Variants in NAV1 observed in about 807,000 individuals in gnomAD.
NAV1 encodes pore membrane and/or filament interacting like protein 3.
In NAV1, 18 loss-of-function variants were observed where a neutral mutation model predicts 175.2. That is an observed-to-expected ratio of 0.10 (90% CI 0.07 to 0.15). NAV1 has a LOEUF of 0.15. Ranked by LOEUF, NAV1 falls within the 10% of genes least tolerant of loss-of-function variation. NAV1 has a pLI of 1.00. For synonymous variants in NAV1, 897 were observed against 978.7 expected (o/e 0.92, Z 1.56); for missense variants, 1,731 against 2,436.6 (o/e 0.71, Z 6.10).
chr1:201,640,081 A>G (rs564388493), intron 2 of NAV1, among the ~76,000 whole-genome samples: 1 of 151,788 alleles, frequency 6.6e-6, no homozygotes, highest in Admixed American at 6.6e-5. Flanking sequence ...ACCGAGGCCC[A>G]TGACCTCTGG....
chr1:201,690,533 C>G (rs1377326686), intron 1 of NAV1, among the ~76,000 whole-genome samples: 1 of 151,882 alleles, frequency 6.6e-6, no homozygotes, highest in Non-Finnish European at 1.5e-5. Context: ...CCTCCATGGC[C>G]TGTCCGTGGC....
chr1:201,577,801 C>G (rs1158808303), intron 1 of NAV1, among the ~76,000 whole-genome samples: 3 of 152,136 alleles, frequency 2.0e-5, no homozygotes, highest in Non-Finnish European at 2.9e-5. Context: ...TATTTTCCCC[C>G]CAGCACTTGA....
intron 2 of NAV1, among the ~76,000 whole-genome samples, chr1:201,615,517 C>T (rs1164887346): frequency 1.3e-5 from 2 of 152,146 alleles, no homozygotes; most frequent in East Asian, 1.9e-4. Flanking sequence ...CCCACCTTGA[C>T]CTCCCAAAAT....
intron 1 of NAV1, among the ~76,000 whole-genome samples, chr1:201,661,332 C>T (rs1669606808): frequency 6.6e-6 from 1 of 152,166 alleles, no homozygotes; most frequent in African/African-American, 2.4e-5. Context: ...CCTCCCAAGC[C>T]TCTCACTGTC....
intron 22 of NAV1, 51 bp downstream of exon 26, chr1:201,809,588 A>G: frequency 6.5e-7 from 1 of 1,548,386 alleles, no homozygotes; most frequent in Non-Finnish European, 8.9e-7. Flanking sequence ...CGTGGAATAT[A>G]TATACTTTTT....
chr1:201,555,335 A>G (rs1187541824), intron 1 of NAV1, among the ~76,000 whole-genome samples: 1 of 152,182 alleles, frequency 6.6e-6, no homozygotes, highest in Admixed American at 6.5e-5. Context: ...TACTTTTAAC[A>G]TTCTATGTGA....
At chr1:201,727,848 C>G (rs762456394) in intron 3 of NAV1, among the ~76,000 whole-genome samples, 1 of 152,196 alleles carries the variant, frequency 6.6e-6, no homozygotes, top group Non-Finnish European at 1.5e-5. Context: ...AGCTCCCATT[C>G]ATTATTGGCT....
intron 2 of NAV1, among the ~76,000 whole-genome samples, chr1:201,603,518 G>A (rs1667581791): frequency 6.6e-6 from 1 of 152,176 alleles, no homozygotes; most frequent in South Asian, 2.1e-4. Context: ...TAGCCTGGAG[G>A]ATGTCCCTTT....
At chr1:201,823,895 GAA>G (rs1384415116) in exon 30 of NAV1, 1 of 152,144 alleles carries the variant, frequency 6.6e-6, no homozygotes, top group African/African-American at 2.4e-5. Flanking sequence ...AAAAGAGTAG[GAA>G]GAGAGAAATG....
intron 3 of NAV1, among the ~76,000 whole-genome samples, chr1:201,770,772 C>T (rs1675521795): frequency 6.6e-6 from 1 of 152,126 alleles, no homozygotes; most frequent in Non-Finnish European, 1.5e-5. Context: ...CAAATAAGTA[C>T]CCACCTACCC....
intron 1 of NAV1, among the ~76,000 whole-genome samples, chr1:201,688,644 G>A (rs1256274912): frequency 2.0e-5 from 3 of 152,010 alleles, no homozygotes; most frequent in South Asian, 2.1e-4. Context: ...ACTGACACCC[G>A]CCCCCATCGA....
chr1:201,720,859 G>C (rs757334958), intron 3 of NAV1, among the ~76,000 whole-genome samples: 6 of 151,886 alleles, frequency 4.0e-5, no homozygotes, highest in Non-Finnish European at 5.9e-5. Context: ...TTACCGTCAG[G>C]GGTGTGTAGT....
exon 1 of NAV1, chr1:201,623,298 A>T (rs770984748): frequency 1.0e-6 from 1 of 985,860 alleles, no homozygotes; most frequent in Non-Finnish European, 1.2e-6. Flanking sequence ...AAGGGACTCC[A>T]GTCTGCCAGA....
Position 201,810,771 on chromosome 1 carries a change from C to T in NAV1, c.4797+13C>T, listed in dbSNP as rs372203041. 5.9e-5 allele frequency: 94 copies of T among 1,604,030 alleles called. No individual in the cohort carries two copies. In the African/African-American group the frequency reaches 9.1e-4, roughly 16 times the overall value. ...GCAGTCTTGCAAGGTGGCTGCCCCC[C>T]GACACCCCTGCCAGCCTTTGTTCAT... On this transcript the variant is annotated intron_variant, in intron 24 of 29. Transcript: ENST00000367296. The surrounding 1 kb of genome is among the most constrained non-coding windows in gnomAD (Gnocchi z 6.0).
chr1:201,632,540 G>T (rs1029720465), intron 2 of NAV1, among the ~76,000 whole-genome samples: 2 of 152,348 alleles, frequency 1.3e-5, no homozygotes, highest in South Asian at 4.1e-4. Flanking sequence ...CAAGGCTGAC[G>T]TTACCGCGTG....
chr1:201,746,788 C>T (rs1673795730), intron 3 of NAV1, among the ~76,000 whole-genome samples: 1 of 151,914 alleles, frequency 6.6e-6, no homozygotes, highest in African/African-American at 2.4e-5. Flanking sequence ...ATCGCTTGAG[C>T]CTAGGAGTTT....
intron 1 of NAV1, among the ~76,000 whole-genome samples, chr1:201,561,329 G>A (rs1343944386): frequency 6.6e-6 from 1 of 152,174 alleles, no homozygotes; most frequent in African/African-American, 2.4e-5. Flanking sequence ...CAGCCTAAAG[G>A]GTGATGTGGG....
intron 2 of NAV1, among the ~76,000 whole-genome samples, chr1:201,613,307 C>G (rs572900684): frequency 2.0e-5 from 3 of 152,108 alleles, no homozygotes; most frequent in Non-Finnish European, 2.9e-5. Context: ...GCCTCCCCCC[C>G]GCCACCAACC....
At chr1:201,579,860 T>C (rs1666798347) in intron 1 of NAV1, among the ~76,000 whole-genome samples, 1 of 152,194 alleles carries the variant, frequency 6.6e-6, no homozygotes. Flanking sequence ...CATGTGATTT[T>C]GGAGGCTGAG....
Sources: gnomAD v4.1 joint callset for allele counts (sites outside exome capture counted in the v4.1 genomes callset) on GRCh38, gnomAD v4.1.1 for gene constraint, Gnocchi (gnomAD v3.1) non-coding constraint, MANE v1.5 for transcripts, NCBI Gene and HGNC (gene_info 2026-07-23, HGNC 2026-07-21) for gene names.